The following ZNF664 variants were observed in gnomAD, a reference collection of about 807,000 sequenced individuals.
ZNF664 encodes zinc finger protein 664, also known as zinc finger Organ of Corti 1.
ZNF664 carries 10 observed loss-of-function variants against 18.2 expected under a neutral mutation model. That is an observed-to-expected ratio of 0.55 (90% CI 0.34 to 0.93). ZNF664 has a LOEUF of 0.93. ZNF664 is among the 40% of genes least tolerant of loss of function. The pLI is 0.02. For missense variants in ZNF664, 193 were observed against 319.0 expected, an observed-to-expected ratio of 0.61 and a Z score of 3.01; for synonymous variants, 119 against 104.2, an observed-to-expected ratio of 1.14 and a Z score of -0.86.
chr12:123,978,952 A>G (rs758046589), intron 2 of ZNF664, among the ~76,000 whole-genome samples: 13 of 152,236 alleles, frequency 8.5e-5, no homozygotes, highest in Non-Finnish European at 1.8e-4. Context: ...CTCTTTATTT[A>G]GAAAGAAAGA....
chr12:123,994,856 T>C (rs1956929381), intron 3 of ZNF664, among the ~76,000 whole-genome samples: 1 of 152,160 alleles, frequency 6.6e-6, no homozygotes, highest in African/African-American at 2.4e-5. Context: ...CTTCATGGAG[T>C]GCCTACCTAG....
At chr12:123,993,416 G>A (rs1006736314) in intron 3 of ZNF664, among the ~76,000 whole-genome samples, 3 of 152,218 alleles carry the variant, frequency 2.0e-5, no homozygotes, top group Admixed American at 6.5e-5. Context: ...TCAGTGAGTT[G>A]CCAGTGACTG....
At position 124,014,778 on chromosome 12, in the gene ZNF664, T is replaced by C. The variant is rs925306743; in HGVS notation, c.*1848T>C. ...TTTGTATAACTAAAACCTCAGCGCATAAAGGAGATTTAAAAGGAGCACATG... is the reference window on the plus strand; with the variant it reads ...TTTGTATAACTAAAACCTCAGCGCACAAAGGAGATTTAAAAGGAGCACATG... On this transcript the variant is annotated 3_prime_UTR_variant, in exon 5 of 5. Coordinates refer to ENST00000337815, the MANE Select transcript of ZNF664 (RefSeq NM_152437.3). The C allele has an allele frequency of 2.4e-5, 4 of 166,490 alleles. No individual in the cohort carries two copies. The highest frequency in any genetic ancestry group is 5.9e-5 in the Non-Finnish European group (4 of 68,114). 10.3% of individuals were successfully genotyped at this position (166,490 alleles called of 1,614,324 possible).
At chr12:123,993,229 C>G (rs1021462450) in intron 3 of ZNF664, among the ~76,000 whole-genome samples, 2 of 152,108 alleles carry the variant, frequency 1.3e-5, no homozygotes, top group Admixed American at 1.3e-4. Flanking sequence ...ATTGAGGTGG[C>G]CAAGGGCACA....
intron 1 of ZNF664, 101 bp from the exon 2 acceptor site, chr12:123,973,785 C>G: frequency 1.7e-6 from 2 of 1,211,918 alleles, no homozygotes; most frequent in Non-Finnish European, 2.1e-6. Flanking sequence ...TGGAGCCCTT[C>G]CAGGCGGGTC....
At position 124,014,624 on chromosome 12, in the gene ZNF664, G is replaced by A. The variant is rs1280917442; in HGVS notation, c.*1694G>A. 6.0e-6 allele frequency: 1 copy of A among 167,104 alleles called. No individual in the cohort carries two copies. Among genetic ancestry groups the A allele is most frequent in the Non-Finnish European group, 1.5e-5 (1 of 68,138 alleles). 10.4% of individuals were successfully genotyped at this position (167,104 alleles called of 1,614,324 possible). A position where few individuals can be genotyped will look rare whatever the true frequency, so the allele number is the denominator to read the frequency against. On this transcript the variant is annotated 3_prime_UTR_variant, in exon 5 of 5. Coordinates refer to ENST00000337815, the MANE Select transcript of ZNF664 (RefSeq NM_152437.3). ...TTTGAAGCTCTGAAATAGGTGATCA[G>A]GTTAGTGGTGTCTGTCAGCTGTCTA...
rs1263292524 is a variant in ZNF664 at position 124,012,260 on chromosome 12, G to A, written c.116G>A (p.Gly39Asp). 1 of 1,614,060 alleles carries A rather than the reference G, an allele frequency of 6.2e-7. No individual in the cohort carries two copies. The highest frequency in any genetic ancestry group is 8.5e-7 in the Non-Finnish European group (1 of 1,180,054). ...KPHKCDKCDK[G>D]FFHISELHIH... ...CATAAATGTGACAAGTGTGATAAGG[G>A]TTTCTTTCATATATCAGAACTTCAT... is the stretch of plus-strand genomic sequence containing the variant. The change falls in exon 5 of 5, where the codon GGT (glycine) becomes GAT (aspartate). Residue 39 changes from glycine to aspartate, a missense_variant. This residue lies in a region of ZNF664 where 90 missense variants were observed against 118.9 expected (regional missense o/e 0.76). Transcript: ENST00000337815.
intron 3 of ZNF664, among the ~76,000 whole-genome samples, chr12:123,992,285 C>T (rs1956897869): frequency 1.3e-5 from 2 of 152,144 alleles, no homozygotes; most frequent in Non-Finnish European, 2.9e-5. Context: ...AGTTTCTCTC[C>T]TAGTGCTCAG....
chr12:124,002,040 A>G (rs78111595), intron 3 of ZNF664, among the ~76,000 whole-genome samples: 3,449 of 152,338 alleles, frequency 0.023, 65 homozygotes, highest in Non-Finnish European at 0.036. Context: ...GTTCTGTACA[A>G]AAGTTAAATT....
intron 2 of ZNF664, 139 bp from the exon 3 acceptor site, chr12:123,987,904 A>G (rs1956843532): frequency 8.5e-7 from 1 of 1,171,652 alleles, no homozygotes; most frequent in African/African-American, 1.6e-5. Context: ...ATATTTATAT[A>G]AATCCCAGAT....
At chr12:123,979,078 G>A (rs1319304995) in intron 2 of ZNF664, among the ~76,000 whole-genome samples, 2 of 152,188 alleles carry the variant, frequency 1.3e-5, no homozygotes, top group East Asian at 3.9e-4. Flanking sequence ...CACTGGAAAT[G>A]ATGTGTTTTA....
chr12:123,997,843 T>C (rs1419189723), intron 3 of ZNF664: 1 of 152,264 alleles, frequency 6.6e-6, no homozygotes, highest in Non-Finnish European at 1.5e-5. Context: ...GTATCAGCAC[T>C]TGGTACTGCA....
In ZNF664 at chr12:124,012,063, A is replaced by G. The variant is rs1957140504; in HGVS notation, c.-82A>G. The G allele has an allele frequency of 6.7e-7, 1 of 1,498,594 alleles. No individual in the cohort carries two copies. Among genetic ancestry groups the G allele is most frequent in the African/African-American group, 1.4e-5 (1 of 71,086 alleles). The allele number at this position is 1,498,594 out of a possible 1,614,324, so 92.8% of individuals were successfully genotyped here. ...TAGACTGCCAAAATGGCCAAATAAGAGACTCTATGAAATAACAGTCTTGTA... is the reference window on the plus strand; with the variant it reads ...TAGACTGCCAAAATGGCCAAATAAGGGACTCTATGAAATAACAGTCTTGTA... On this transcript the variant is annotated 5_prime_UTR_variant, in exon 5 of 5. Coordinates refer to ENST00000337815, the MANE Select transcript of ZNF664 (RefSeq NM_152437.3).
In ZNF664 at chr12:124,011,799, C is replaced by T; in HGVS notation, c.-346C>T. 4 of 1,111,504 alleles carry T rather than the reference C, an allele frequency of 3.6e-6. No homozygotes were observed. The highest frequency in any genetic ancestry group is 4.4e-6 in the Non-Finnish European group (4 of 914,498). 68.9% of individuals were successfully genotyped at this position (1,111,504 alleles called of 1,614,324 possible). A position where few individuals can be genotyped will look rare whatever the true frequency, so the allele number is the denominator to read the frequency against. Reference sequence around the variant, plus strand: ...AGATTACTCTACAAGAGGAAGATTCCAGGGGCTCAAAAACGCAAAGGTTTG... The same window carrying T: ...AGATTACTCTACAAGAGGAAGATTCTAGGGGCTCAAAAACGCAAAGGTTTG... On this transcript the variant is annotated 5_prime_UTR_variant, in exon 5 of 5. Transcript: ENST00000337815.
chr12:123,994,715 A>G (rs1331608295), intron 3 of ZNF664, among the ~76,000 whole-genome samples: 1 of 152,184 alleles, frequency 6.6e-6, no homozygotes, highest in Non-Finnish European at 1.5e-5. Flanking sequence ...CCTACGGGTT[A>G]GTTGCAACGT....
chr12:124,011,917 A>C lies in ZNF664; in HGVS notation c.-228A>C. 7.5e-7 allele frequency: 1 copy of C among 1,331,778 alleles called. No individual in the cohort carries two copies. The highest frequency in any genetic ancestry group is 9.5e-7 in the Non-Finnish European group (1 of 1,048,482). The allele number at this position is 1,331,778 out of a possible 1,614,324, so 82.5% of individuals were successfully genotyped here. On this transcript the variant is annotated 5_prime_UTR_variant, in exon 5 of 5. Coordinates refer to ENST00000337815, the MANE Select transcript of ZNF664 (RefSeq NM_152437.3). ...CAGAATTCACGTGGAAGTCAATGTC[A>C]CTTTATAATCGATAATAATACTGAG...
chr12:123,974,900 T>C (rs1392133279), intron 2 of ZNF664, among the ~76,000 whole-genome samples: 7 of 152,236 alleles, frequency 4.6e-5, no homozygotes, highest in Admixed American at 4.6e-4. Context: ...CTGGTGGTGG[T>C]TCTCTGATGA....
At chr12:123,990,312 A>G (rs1956874589) in intron 3 of ZNF664, among the ~76,000 whole-genome samples, 1 of 152,236 alleles carries the variant, frequency 6.6e-6, no homozygotes, top group African/African-American at 2.4e-5. Context: ...AAAAATGCAT[A>G]CAAATGTCAG....
chr12:124,011,894 G>A lies in ZNF664; in HGVS notation c.-251G>A. The A allele has an allele frequency of 7.8e-7, 1 of 1,288,560 alleles. No individual in the cohort carries two copies. The highest frequency in any genetic ancestry group is 9.8e-7 in the Non-Finnish European group (1 of 1,022,644). 79.8% of individuals were successfully genotyped at this position (1,288,560 alleles called of 1,614,324 possible). A position where few individuals can be genotyped will look rare whatever the true frequency, so the allele number is the denominator to read the frequency against. On this transcript the variant is annotated 5_prime_UTR_variant, in exon 5 of 5. Coordinates refer to ENST00000337815, the MANE Select transcript of ZNF664 (RefSeq NM_152437.3). The stretch of plus-strand genomic sequence containing the variant: ...CAAAGTTCTGTGTTAATGAGTTACA[G>A]AATTCACGTGGAAGTCAATGTCACT...
Sources: gnomAD v4.1 joint callset for allele counts (sites outside exome capture counted in the v4.1 genomes callset) on GRCh38, gnomAD v4.1.1 for gene constraint, gnomAD v4.1.1 regional missense constraint, MANE v1.5 for transcripts, NCBI Gene and HGNC (gene_info 2026-07-23, HGNC 2026-07-21) for gene names.